CEP152: variants seen among roughly 807,000 people sequenced by gnomAD.
The protein encoded by CEP152 is centrosomal protein of 152 kDa.
CEP152 carries 132 observed loss-of-function variants against 188.9 expected under a neutral mutation model. That is an observed-to-expected ratio of 0.70 (90% CI 0.61 to 0.81). The LOEUF (loss-of-function observed/expected upper bound fraction) is 0.81, where lower values mean the gene tolerates loss of function less well. Ranked by LOEUF, CEP152 falls within the 30% of genes least tolerant of loss-of-function variation. The probability of loss-of-function intolerance (pLI) is 0.00; values close to 1 mark genes in which losing one functional copy is unlikely to be tolerated. For missense variants in CEP152, 1,914 were observed against 1,969.8 expected (o/e 0.97, Z 0.54); for synonymous variants, 649 against 666.6 (o/e 0.97, Z 0.41).
At chr15:48,789,033 A>G (rs752819986) in intron 8 of CEP152, 32 bp from the exon 9 acceptor site, 7 of 1,562,302 alleles carry the variant, frequency 4.5e-6, no homozygotes, top group Non-Finnish European at 5.3e-6. Context: ...TCCATGTTTA[A>G]AATATACACA....
rs775849447 is a variant in CEP152, at chr15:48,756,023, C to T, written c.3225G>A (p.Ser1075=). 3.7e-6 allele frequency: 6 copies of T among 1,613,884 alleles called. No homozygotes were observed. The highest frequency in any genetic ancestry group is 2.2e-5 in the South Asian group (2 of 91,072). Residue 1075 remains serine, a synonymous_variant, in exon 20 of 27, where the codon TCG becomes TCA. Coordinates refer to ENST00000380950, the MANE Select transcript of CEP152 (RefSeq NM_001194998.2). The stretch of plus-strand genomic sequence containing the variant: ...CAGACATCCATTTTGAAGAACAAGT[C>T]GACATGATTTCCAAAAGCTGCTTGT... The part of the protein sequence containing the change: ...SEDKQLLEIM[S]TCSSKWMSVQ...
intron 2 of CEP152, among the ~76,000 whole-genome samples, chr15:48,805,154 C>T (rs1348101095): frequency 6.6e-6 from 1 of 152,168 alleles, no homozygotes; most frequent in South Asian, 2.1e-4. Flanking sequence ...TTATCACTCA[C>T]TCAAATTACT....
intron 17 of CEP152, among the ~76,000 whole-genome samples, chr15:48,764,447 G>GT (rs1423746656): frequency 1.3e-5 from 2 of 151,976 alleles, no homozygotes; most frequent in African/African-American, 4.8e-5. Context: ...CAGTCTCCAA[G>GT]TTAAAACATG....
At chr15:48,796,748 C>A (rs1897324291) in intron 5 of CEP152, among the ~76,000 whole-genome samples, 1 of 152,102 alleles carries the variant, frequency 6.6e-6, no homozygotes, top group South Asian at 2.1e-4. Flanking sequence ...CTAACTATAT[C>A]CTGAGGTCTT....
At chr15:48,780,335 A>T (rs1039029958) in intron 12 of CEP152, among the ~76,000 whole-genome samples, 4 of 152,212 alleles carry the variant, frequency 2.6e-5, no homozygotes, top group African/African-American at 9.6e-5. Flanking sequence ...TGATCACTTT[A>T]TATTTCTACT....
At chr15:48,800,565 C>T (rs1222080071) in intron 2 of CEP152, among the ~76,000 whole-genome samples, 1 of 152,076 alleles carries the variant, frequency 6.6e-6, no homozygotes, top group Non-Finnish European at 1.5e-5. Context: ...TATAAATTTT[C>T]CTCATTAAAG....
chr15:48,750,150 C>A (rs1318543612), intron 21 of CEP152, among the ~76,000 whole-genome samples: 1 of 151,946 alleles, frequency 6.6e-6, no homozygotes, highest in Non-Finnish European at 1.5e-5. Context: ...AACTATTTTT[C>A]TTTTTGCTAT....
At chr15:48,732,167 G>C (rs1056756846) in intron 2 of CEP152, among the ~76,000 whole-genome samples, 2 of 152,186 alleles carry the variant, frequency 1.3e-5, no homozygotes, top group African/African-American at 4.8e-5. Context: ...ATCTGACCAG[G>C]CAATCCCATT....
chr15:48,779,233 A>C (rs1013925510), intron 12 of CEP152, among the ~76,000 whole-genome samples: 3 of 152,242 alleles, frequency 2.0e-5, no homozygotes, highest in Non-Finnish European at 4.4e-5. Flanking sequence ...TTTAACTGAC[A>C]TGTAAATATG....
intron 9 of CEP152, among the ~76,000 whole-genome samples, chr15:48,785,189 A>G (rs920517740): frequency 2.6e-5 from 4 of 152,244 alleles, no homozygotes; most frequent in Non-Finnish European, 5.9e-5. Context: ...CACAAGGTAC[A>G]TCCCATAAGA....
intron 12 of CEP152, among the ~76,000 whole-genome samples, chr15:48,774,923 A>C (rs932193580): frequency 6.6e-6 from 1 of 152,184 alleles, no homozygotes; most frequent in African/African-American, 2.4e-5. Flanking sequence ...AATGAAAAAA[A>C]ACAGGAATTC....
chr15:48,752,450 G>C lies in CEP152; in HGVS notation c.3365C>G (p.Ser1122Cys). The C allele has an allele frequency of 6.2e-7, 1 of 1,613,664 alleles. No homozygotes were observed. The highest frequency in any genetic ancestry group is 1.3e-5 in the African/African-American group (1 of 75,034). ...AGTGCCCTGGCTGGCAGAATCCTTA[G>C]AGAGCTCGGCCATATTTCTCTGAAA... ...EWKKRNMAELSKDSASQGTGQ... is the reference protein window; with the variant it reads ...EWKKRNMAELCKDSASQGTGQ... The change falls in exon 21 of 27, where the codon TCT becomes TGT. Residue 1122 changes from serine to cysteine, a missense_variant. By Grantham distance (112) the Ser-to-Cys change is moderately radical (BLOSUM62 -1). Coordinates refer to ENST00000380950, the MANE Select transcript of CEP152 (RefSeq NM_001194998.2).
chr15:48,800,267 C>T lies in CEP152; in HGVS notation c.88-2216G>A, dbSNP rs563766672. Among the ~76,000 whole-genome samples the T allele has an allele frequency of 2.0e-5, 3 of 152,282 alleles. No homozygotes were observed. In the East Asian group the frequency reaches 5.8e-4, roughly 29 times the overall value. ...GCAAGATATTTTACATATATGCTAA[C>T]ATTTTAAAATTGATCTTCAAAAAAT... On this transcript the variant is annotated intron_variant, in intron 2 of 26. Transcript: ENST00000380950.
At chr15:48,729,821 G>C (rs1304011330) in intron 2 of CEP152, 1 of 151,868 alleles carries the variant, frequency 6.6e-6, no homozygotes, top group East Asian at 1.9e-4. Context: ...AAATCTAAAT[G>C]CAGGGTATAT....
At chr15:48,731,713 G>T (rs923916840) in intron 2 of CEP152, among the ~76,000 whole-genome samples, 1 of 152,188 alleles carries the variant, frequency 6.6e-6, no homozygotes, top group African/African-American at 2.4e-5. Context: ...AAGAGCTTCT[G>T]CACAGCAAAA....
At chr15:48,766,737 A>G (rs544875016) in intron 17 of CEP152, among the ~76,000 whole-genome samples, 3 of 152,090 alleles carry the variant, frequency 2.0e-5, no homozygotes, top group Non-Finnish European at 2.9e-5. Flanking sequence ...CTGAACAGTC[A>G]ACACCGAAAA....
chr15:48,739,188 A>G lies in CEP152; in HGVS notation c.4194T>C (p.Ser1398=). 6.2e-7 allele frequency: 1 copy of G among 1,613,830 alleles called. No homozygotes were observed. Among genetic ancestry groups the G allele is most frequent in the Non-Finnish European group, 8.5e-7 (1 of 1,179,942 alleles). ...IPCCIESKSN[S]VNTITRTLCE... is the part of the protein sequence containing the mutation. ...ACAGAGTTCTGGTGATGGTGTTTAC[A>G]CTATTTGATTTGCTTTCAATACAAC... Residue 1398 remains serine, a synonymous_variant, in exon 27 of 27, where the codon AGT becomes AGC. Transcript: ENST00000380950.
At chr15:48,756,575 A>G in intron 19 of CEP152, 22 bp from the exon 20 acceptor site, 3 of 1,600,156 alleles carry the variant, frequency 1.9e-6, no homozygotes, top group Non-Finnish European at 2.5e-6. Flanking sequence ...AACAACATGC[A>G]TTTTGAAAGT....
intron 20 of CEP152, among the ~76,000 whole-genome samples, chr15:48,753,008 TAAG>T (rs1893988247): frequency 6.6e-6 from 1 of 152,220 alleles, no homozygotes; most frequent in Non-Finnish European, 1.5e-5. Context: ...ATGCCAAAGT[TAAG>T]GACAGAAACT....
Sources: allele counts gnomAD v4.1 joint callset (sites outside exome capture counted in the v4.1 genomes callset), GRCh38; gene constraint gnomAD v4.1.1; transcripts MANE v1.5; gene names NCBI Gene and HGNC (gene_info 2026-07-23, HGNC 2026-07-21).